The following HS6ST3 variants were observed in gnomAD, a reference collection of about 807,000 sequenced individuals.
HS6ST3 encodes the protein heparan sulfate 6-O-sulfotransferase 3, also known as heparan-sulfate 6-O-sulfotransferase 3.
A neutral mutation model predicts 36.7 loss-of-function variants in HS6ST3; 12 were observed. That is an observed-to-expected ratio of 0.33 (90% confidence interval 0.21 to 0.53). HS6ST3 has a LOEUF of 0.53. Ranked by LOEUF, HS6ST3 falls within the 20% of genes least tolerant of loss-of-function variation. The pLI is 0.95. For missense variants in HS6ST3, 584 were observed against 640.9 expected (o/e 0.91, Z 0.96); for synonymous variants, 240 against 257.5 (o/e 0.93, Z 0.65).
rs565353008 is a variant in HS6ST3 at position 96,359,872 on chromosome 13, G to C, written c.707+268303G>C. 2.6e-5 allele frequency among the ~76,000 whole-genome samples: 4 copies of C among 152,314 alleles called. No individual in the cohort carries two copies. The East Asian group carries it at 7.7e-4, about 29-fold the overall frequency. On this transcript the variant is annotated intron_variant, in intron 1 of 1. Transcript: ENST00000376705. Reference sequence around the variant, plus strand: ...CCATTATTAGTTTCCAGCAGGAGTTGAAGGGAAGATTTGGCAGAGGAGAAA... The same window carrying C: ...CCATTATTAGTTTCCAGCAGGAGTTCAAGGGAAGATTTGGCAGAGGAGAAA...
At chr13:96,251,857 G>A (rs2054609600) in intron 1 of HS6ST3, among the ~76,000 whole-genome samples, 1 of 151,898 alleles carries the variant, frequency 6.6e-6, no homozygotes, top group Non-Finnish European at 1.5e-5. Flanking sequence ...CTATATATTT[G>A]TGAATTATCC....
At chr13:96,109,899 A>C (rs1243161343) in intron 1 of HS6ST3, among the ~76,000 whole-genome samples, 1 of 152,218 alleles carries the variant, frequency 6.6e-6, no homozygotes, top group Non-Finnish European at 1.5e-5. Context: ...TGGAAATAAA[A>C]AGGTGAATCA....
At chr13:96,523,120 A>C (rs879334789) in intron 1 of HS6ST3, among the ~76,000 whole-genome samples, 17 of 152,120 alleles carry the variant, frequency 1.1e-4, no homozygotes, top group Non-Finnish European at 2.4e-4. Flanking sequence ...TTCACTTATG[A>C]AGCTTAGTTT....
At chr13:96,709,746 C>T (rs964883230) in intron 1 of HS6ST3, among the ~76,000 whole-genome samples, 2 of 152,124 alleles carry the variant, frequency 1.3e-5, no homozygotes, top group Non-Finnish European at 2.9e-5. Context: ...GTTGCTTCAG[C>T]CCCCCAGGCT....
intron 1 of HS6ST3, among the ~76,000 whole-genome samples, chr13:96,212,374 A>G (rs1271001132): frequency 6.6e-6 from 1 of 152,262 alleles, no homozygotes; most frequent in Non-Finnish European, 1.5e-5. Flanking sequence ...TATTATCAGT[A>G]TATGATGAAT....
At chr13:96,237,502 G>T (rs1389830461) in intron 1 of HS6ST3, among the ~76,000 whole-genome samples, 1 of 151,788 alleles carries the variant, frequency 6.6e-6, no homozygotes, top group African/African-American at 2.4e-5. Flanking sequence ...TCTTCTCTTT[G>T]CATCATTCAT....
chr13:96,719,538 G>A (rs1875793575), intron 1 of HS6ST3, among the ~76,000 whole-genome samples: 1 of 152,020 alleles, frequency 6.6e-6, no homozygotes, highest in South Asian at 2.1e-4. Flanking sequence ...CTATTTTATT[G>A]TAATAAAAAG....
chr13:96,276,197 C>T (rs1046971287), intron 1 of HS6ST3, among the ~76,000 whole-genome samples: 2 of 152,070 alleles, frequency 1.3e-5, no homozygotes, highest in South Asian at 2.1e-4. Flanking sequence ...TTTACTATCC[C>T]GCTTGTCTAA....
chr13:96,602,629 G>C (rs968297358), intron 1 of HS6ST3, among the ~76,000 whole-genome samples: 1 of 152,108 alleles, frequency 6.6e-6, no homozygotes, highest in Non-Finnish European at 1.5e-5. Flanking sequence ...TGGAGTATGG[G>C]CCCACTAAAG....
chr13:96,741,759 T>C (rs1876444275), intron 1 of HS6ST3, among the ~76,000 whole-genome samples: 1 of 152,204 alleles, frequency 6.6e-6, no homozygotes, highest in South Asian at 2.1e-4. Flanking sequence ...TGTCATCAGC[T>C]AACACATTCC....
chr13:96,272,395 A>G (rs755781693), intron 1 of HS6ST3, among the ~76,000 whole-genome samples: 4 of 151,992 alleles, frequency 2.6e-5, no homozygotes, highest in Non-Finnish European at 5.9e-5. Context: ...TTCTGGTGCT[A>G]GAGCCCCATT....
At chr13:96,786,810 A>G (rs1297457678) in intron 1 of HS6ST3, among the ~76,000 whole-genome samples, 1 of 152,126 alleles carries the variant, frequency 6.6e-6, no homozygotes, top group East Asian at 1.9e-4. Context: ...GGATTCTTGC[A>G]GCAACCTCCA....
intron 1 of HS6ST3, among the ~76,000 whole-genome samples, chr13:96,212,039 A>T (rs1297493386): frequency 6.6e-6 from 1 of 152,202 alleles, no homozygotes; most frequent in East Asian, 1.9e-4. Context: ...TGCCCCACTA[A>T]CTTAAACACT....
At chr13:96,724,142 A>G (rs1198938148) in intron 1 of HS6ST3, among the ~76,000 whole-genome samples, 1 of 152,260 alleles carries the variant, frequency 6.6e-6, no homozygotes, top group Non-Finnish European at 1.5e-5. Context: ...GCCAATAAAA[A>G]GTAATGTGCA....
intron 1 of HS6ST3, among the ~76,000 whole-genome samples, chr13:96,147,967 G>C (rs190902177): frequency 3.9e-5 from 6 of 152,168 alleles, no homozygotes; most frequent in African/African-American, 1.4e-4. Context: ...TTTTCAAATT[G>C]CAAACATTTA....
chr13:96,154,003 C>T (rs2054099253), intron 1 of HS6ST3, among the ~76,000 whole-genome samples: 1 of 152,088 alleles, frequency 6.6e-6, no homozygotes, highest in South Asian at 2.1e-4. Context: ...CCCACGTTTT[C>T]TCAGTTGTAA....
At chr13:96,489,434 TA>T (rs933006379) in intron 1 of HS6ST3, among the ~76,000 whole-genome samples, 7 of 150,968 alleles carry the variant, frequency 4.6e-5, no homozygotes, top group Admixed American at 1.3e-4. Context: ...TAGTAAAAAA[TA>T]AAAAACATGT....
chr13:96,590,242 A>G (rs1172393509), intron 1 of HS6ST3, among the ~76,000 whole-genome samples: 1 of 152,042 alleles, frequency 6.6e-6, no homozygotes, highest in African/African-American at 2.4e-5. Flanking sequence ...CTCTATTTTT[A>G]GTTTTTTGAG....
intron 1 of HS6ST3, among the ~76,000 whole-genome samples, chr13:96,566,565 A>G (rs569617066): frequency 8.5e-5 from 13 of 152,304 alleles, no homozygotes; most frequent in Non-Finnish European, 4.4e-5. Context: ...GAAAACATAA[A>G]AGAAAAGACC....
Sources: gnomAD v4.1 joint callset for allele counts (sites outside exome capture counted in the v4.1 genomes callset) on GRCh38, gnomAD v4.1.1 for gene constraint, MANE v1.5 for transcripts, NCBI Gene and HGNC (gene_info 2026-07-23, HGNC 2026-07-21) for gene names.